Variants in PNPLA1 observed in about 807,000 individuals in gnomAD.
The protein encoded by PNPLA1 is patatin like domain 1, omega-hydroxyceramide transacylase, also known as omega-hydroxyceramide transacylase.
PNPLA1 carries 36 observed loss-of-function variants against 51.7 expected under a neutral mutation model. That is an observed-to-expected ratio of 0.70 (90% CI 0.53 to 0.92). PNPLA1 has a LOEUF of 0.92. Among genes scored for constraint, PNPLA1 ranks in the 40% least tolerant of loss-of-function variants. The probability of loss-of-function intolerance (pLI) is 0.00; values close to 1 mark genes in which losing one functional copy is unlikely to be tolerated. For missense variants in PNPLA1, 658 were observed against 682.5 expected, an observed-to-expected ratio of 0.96 and a Z score of 0.40; for synonymous variants, 293 against 280.1, an observed-to-expected ratio of 1.05 and a Z score of -0.46.
At chr6:36,304,350 C>A (rs1159790637) in intron 6 of PNPLA1, among the ~76,000 whole-genome samples, 2 of 152,154 alleles carry the variant, frequency 1.3e-5, no homozygotes, top group East Asian at 3.9e-4. Context: ...AAACAAAACA[C>A]CATTAAGAAA....
At chr6:36,305,522 T>G (rs1010090317) in intron 6 of PNPLA1, among the ~76,000 whole-genome samples, 1 of 152,124 alleles carries the variant, frequency 6.6e-6, no homozygotes, top group Non-Finnish European at 1.5e-5. Context: ...TAATACATAA[T>G]TACATATTAA....
At chr6:36,279,246 A>G (rs767845620) in intron 1 of PNPLA1, among the ~76,000 whole-genome samples, 1 of 152,248 alleles carries the variant, frequency 6.6e-6, no homozygotes, top group African/African-American at 2.4e-5. Flanking sequence ...TGTGTGCACA[A>G]CAGGACCCAG....
At chr6:36,256,325 A>G (rs1026582226) in intron 1 of PNPLA1, among the ~76,000 whole-genome samples, 5 of 151,084 alleles carry the variant, frequency 3.3e-5, no homozygotes, top group Non-Finnish European at 7.4e-5. Context: ...AACCTGTCTT[A>G]GAAAAAAAAA....
intron 8 of PNPLA1, 35 bp downstream of exon 8, chr6:36,307,747 G>A (rs779926196): frequency 6.2e-7 from 1 of 1,611,166 alleles, no homozygotes; most frequent in African/African-American, 1.3e-5. Context: ...ATCCCACGGA[G>A]AGGAGCAGCT....
rs569033764 is a variant in PNPLA1, at chr6:36,299,298, C to T, written c.776-2563C>T. On this transcript the variant is annotated intron_variant, in intron 5 of 8. Transcript: ENST00000636260. ...CAGCAGTGGATGAGCGTTCCCATTC[C>T]TCCAAAACTTTTGGGGTTTTTTTTG... Among the ~76,000 whole-genome samples the T allele has an allele frequency of 2.8e-3, 418 of 151,842 alleles. 1 individual carries two copies. The highest frequency in any genetic ancestry group is 9.5e-3 in the African/African-American group (391 of 41,370).
rs771414777 is a variant in PNPLA1 at position 36,306,267 on chromosome 6, C to G, written c.1385-25C>G. ...CATATCCCCCCTCCCCATCTCACTC[C>G]CGTTTCCTATATCTTTACTTTTAGC... On this transcript the variant is annotated intron_variant, in intron 6 of 8. Coordinates refer to ENST00000636260, the MANE Select transcript of PNPLA1 (RefSeq NM_001374623.1). 20 of 1,580,662 alleles carry G rather than the reference C, an allele frequency of 1.3e-5. No homozygotes were observed. The Admixed American group carries it at 1.6e-4, about 13-fold the overall frequency.
chr6:36,308,973 G>A (rs919142362), intron 8 of PNPLA1, among the ~76,000 whole-genome samples: 3 of 152,120 alleles, frequency 2.0e-5, no homozygotes, highest in Non-Finnish European at 2.9e-5. Context: ...GAACAGACCT[G>A]CACTGCTATA....
chr6:36,288,389 G>A (rs1157942836), intron 1 of PNPLA1, among the ~76,000 whole-genome samples: 1 of 151,896 alleles, frequency 6.6e-6, no homozygotes, highest in Non-Finnish European at 1.5e-5. Context: ...CAAAGTGGGA[G>A]GATTGCTTGA....
At chr6:36,284,236 A>G (rs765768331) in intron 1 of PNPLA1, among the ~76,000 whole-genome samples, 56 of 152,220 alleles carry the variant, frequency 3.7e-4, no homozygotes, top group African/African-American at 1.3e-3. Context: ...TTCCATGACA[A>G]TCGGATATAA....
At chr6:36,281,933 A>C (rs1770296330) in intron 1 of PNPLA1, among the ~76,000 whole-genome samples, 2 of 151,726 alleles carry the variant, frequency 1.3e-5, no homozygotes, top group East Asian at 3.9e-4. Context: ...AAGCAGGAGA[A>C]TCACTTGAAC....
At chr6:36,288,031 AC>A (rs1451842820) in intron 1 of PNPLA1, among the ~76,000 whole-genome samples, 1 of 152,128 alleles carries the variant, frequency 6.6e-6, no homozygotes, top group African/African-American at 2.4e-5. Flanking sequence ...CTGTCACCCA[AC>A]CCTACCCCTG....
chr6:36,277,212 T>C (rs1306958636), intron 1 of PNPLA1, among the ~76,000 whole-genome samples: 1 of 152,188 alleles, frequency 6.6e-6, no homozygotes, highest in Non-Finnish European at 1.5e-5. Context: ...AGGCGTTGCC[T>C]TTCCTGTGGT....
At chr6:36,298,282 T>C (rs778102263) in intron 5 of PNPLA1, among the ~76,000 whole-genome samples, 4 of 152,232 alleles carry the variant, frequency 2.6e-5, no homozygotes, top group Admixed American at 6.5e-5. Context: ...TGGGCTATTA[T>C]GGATAAAGCT....
intron 1 of PNPLA1, among the ~76,000 whole-genome samples, chr6:36,274,092 T>C (rs971033640): frequency 6.6e-6 from 1 of 152,220 alleles, no homozygotes; most frequent in Non-Finnish European, 1.5e-5. Flanking sequence ...CACTTCCTTT[T>C]ATATCAGGCA....
chr6:36,307,535 G>C (rs765044077), intron 7 of PNPLA1, 52 bp from the exon 8 acceptor site: 417 of 1,593,954 alleles, frequency 2.6e-4, no homozygotes, highest in Non-Finnish European at 3.1e-4. Flanking sequence ...CACCATGTTG[G>C]AGGACCGAGG....
At chr6:36,266,195 C>T (rs896851905), upstream of PNPLA1, among the ~76,000 whole-genome samples, 2 of 152,212 alleles carry the variant, frequency 1.3e-5, no homozygotes, top group East Asian at 1.9e-4. Flanking sequence ...GCACCCCTGG[C>T]TATCAGCCTG....
At chr6:36,297,298 C>A (rs1042223839) in intron 5 of PNPLA1, among the ~76,000 whole-genome samples, 2 of 152,180 alleles carry the variant, frequency 1.3e-5, no homozygotes, top group Admixed American at 1.3e-4. Context: ...TCACCTCCAC[C>A]ACCTCAGTCC....
In PNPLA1 at chr6:36,285,927, C is replaced by T. The variant is rs77852330; in HGVS notation, c.206-5393C>T. On this transcript the variant is annotated intron_variant, in intron 1 of 8. Coordinates refer to ENST00000636260, the MANE Select transcript of PNPLA1 (RefSeq NM_001374623.1). ...ACACTACTCTGAAACTGGGGTGCAC[C>T]CTCTTACTCCAAGCTCGTATTTTGC... Among the ~76,000 whole-genome samples, 708 of 152,170 alleles carry T rather than the reference C, an allele frequency of 4.7e-3. 7 individuals are homozygous for T. Among genetic ancestry groups the T allele is most frequent in the African/African-American group, 0.014 (563 of 41,518 alleles).
At position 36,293,536 on chromosome 6, in the gene PNPLA1, G is replaced by C. The variant is rs148442157; in HGVS notation, c.504+410G>C. The stretch of plus-strand genomic sequence containing the variant: ...ATCACTCGGGGTCTCGTAAAATTAT[G>C]CAAGTTCTGATCCAGGCGGTCTGAG... On this transcript the variant is annotated intron_variant, in intron 3 of 8. Transcript: ENST00000636260. Among the ~76,000 whole-genome samples the C allele has an allele frequency of 9.8e-5, 15 of 152,342 alleles. No individual in the cohort carries two copies. In the East Asian group the frequency reaches 2.9e-3, roughly 29 times the overall value.
Sources: gnomAD v4.1 joint callset for allele counts (sites outside exome capture counted in the v4.1 genomes callset) on GRCh38, gnomAD v4.1.1 for gene constraint, MANE v1.5 for transcripts, NCBI Gene and HGNC (gene_info 2026-07-23, HGNC 2026-07-21) for gene names.